The following SLC24A3 variants were observed in gnomAD, a reference collection of about 807,000 sequenced individuals.
SLC24A3 encodes the protein solute carrier family 24 member 3, also known as sodium/potassium/calcium exchanger 3.
Under a neutral mutation model 75.8 loss-of-function variants are expected in SLC24A3, and 28 were observed. The ratio of observed to expected loss-of-function variants is 0.37; its 90% CI spans 0.27 to 0.51. The LOEUF is 0.51. Among genes scored for constraint, SLC24A3 ranks in the 20% least tolerant of loss-of-function variants. SLC24A3 has a pLI of 0.94. For missense variants in SLC24A3, 663 were observed against 847.8 expected, an observed-to-expected ratio of 0.78 and a Z score of 2.71; for synonymous variants, 372 against 334.1, an observed-to-expected ratio of 1.11 and a Z score of -1.24.
At chr20:19,327,187 T>C in intron 2 of SLC24A3, among the ~76,000 whole-genome samples, 1 of 152,232 alleles carries the variant, frequency 6.6e-6, no homozygotes, top group East Asian at 1.9e-4. Context: ...GGTAGATTAC[T>C]GGAAATGCGT....
At chr20:19,354,913 TCTC>T (rs1269410531) in intron 2 of SLC24A3, among the ~76,000 whole-genome samples, 6 of 151,990 alleles carry the variant, frequency 3.9e-5, no homozygotes, top group Admixed American at 1.3e-4. Context: ...ATAAGTCACT[TCTC>T]CTCCTTTGGG....
intron 15 of SLC24A3, among the ~76,000 whole-genome samples, chr20:19,715,538 A>G (rs889218968): frequency 3.9e-5 from 6 of 152,208 alleles, no homozygotes; most frequent in Non-Finnish European, 8.8e-5. Context: ...ATTGCAAGTC[A>G]CGAGAGAAAG....
chr20:19,652,584 G>A (rs4814882), intron 6 of SLC24A3, among the ~76,000 whole-genome samples: 39,801 of 152,124 alleles, frequency 0.26, 5,841 homozygotes, highest in African/African-American at 0.4. Flanking sequence ...ACTTAGAAAT[G>A]CAAATGCTTC....
intron 2 of SLC24A3, among the ~76,000 whole-genome samples, chr20:19,467,929 A>T (rs886207155): frequency 6.6e-6 from 1 of 151,584 alleles, no homozygotes; most frequent in Non-Finnish European, 1.5e-5. Flanking sequence ...AGCATCCAGG[A>T]GCAGAGGTAA....
intron 3 of SLC24A3, among the ~76,000 whole-genome samples, chr20:19,517,288 C>T (rs2030014076): frequency 6.6e-6 from 1 of 152,164 alleles, no homozygotes; most frequent in African/African-American, 2.4e-5. Flanking sequence ...GAGATTTCCA[C>T]TCTGGACCCA....
chr20:19,429,722 T>C (rs1987069192), intron 2 of SLC24A3, among the ~76,000 whole-genome samples: 1 of 152,150 alleles, frequency 6.6e-6, no homozygotes, highest in African/African-American at 2.4e-5. Flanking sequence ...TATATGGTCA[T>C]CCGAGAGGGC....
chr20:19,491,876 C>T (rs762577056), intron 2 of SLC24A3, among the ~76,000 whole-genome samples: 3 of 152,112 alleles, frequency 2.0e-5, no homozygotes, highest in South Asian at 2.1e-4. Flanking sequence ...TGGGCAAGGG[C>T]GCTGGGCTTG....
intron 2 of SLC24A3, among the ~76,000 whole-genome samples, chr20:19,307,801 CA>C (rs1042370410): frequency 1.3e-5 from 2 of 151,446 alleles, no homozygotes; most frequent in African/African-American, 4.9e-5. Context: ...TTTTGGCAAC[CA>C]AAAAAAAGTG....
intron 2 of SLC24A3, among the ~76,000 whole-genome samples, chr20:19,426,372 C>T: frequency 6.6e-6 from 1 of 152,178 alleles, no homozygotes; most frequent in East Asian, 1.9e-4. Context: ...GGCGTACACT[C>T]AGAGGACTGT....
intron 4 of SLC24A3, among the ~76,000 whole-genome samples, chr20:19,583,757 T>C (rs1386433126): frequency 6.6e-6 from 1 of 152,204 alleles, no homozygotes; most frequent in Non-Finnish European, 1.5e-5. Flanking sequence ...TCACAGACTC[T>C]TAGCTCCATG....
chr20:19,577,252 T>C (rs1395408882), intron 3 of SLC24A3, among the ~76,000 whole-genome samples: 5 of 152,122 alleles, frequency 3.3e-5, no homozygotes, highest in Non-Finnish European at 7.4e-5. Context: ...AGATGGGGTT[T>C]CACCATGTTA....
intron 2 of SLC24A3, among the ~76,000 whole-genome samples, chr20:19,425,234 C>A (rs930558259): frequency 1.3e-5 from 2 of 151,294 alleles, no homozygotes; most frequent in Non-Finnish European, 2.9e-5. Context: ...ACCTGGGAGG[C>A]GGAGGTTGCA....
chr20:19,242,933 A>G (rs968444876), intron 1 of SLC24A3, among the ~76,000 whole-genome samples: 4 of 152,228 alleles, frequency 2.6e-5, no homozygotes, highest in Admixed American at 6.5e-5. Flanking sequence ...GCTGTAAACA[A>G]TGCATAATTT....
At chr20:19,388,760 A>G (rs1199465073) in intron 2 of SLC24A3, among the ~76,000 whole-genome samples, 3 of 152,130 alleles carry the variant, frequency 2.0e-5, no homozygotes, top group Non-Finnish European at 2.9e-5. Context: ...CTTTCAGCCT[A>G]TGCGTGTTCT....
intron 2 of SLC24A3, among the ~76,000 whole-genome samples, chr20:19,500,271 T>C (rs2122541443): frequency 6.6e-6 from 1 of 152,222 alleles, no homozygotes; most frequent in South Asian, 2.1e-4. Context: ...CTCTCTCCAG[T>C]CCCCCAACTG....
intron 3 of SLC24A3, among the ~76,000 whole-genome samples, chr20:19,546,536 T>C (rs2122593720): frequency 6.6e-6 from 1 of 152,320 alleles, no homozygotes; most frequent in Non-Finnish European, 1.5e-5. Context: ...TGTCCCACTC[T>C]TCACCTCCTC....
chr20:19,345,598 A>G (rs949162088), intron 2 of SLC24A3, among the ~76,000 whole-genome samples: 1 of 152,188 alleles, frequency 6.6e-6, no homozygotes, highest in Admixed American at 6.5e-5. Context: ...CAAGAAAAAA[A>G]CAAACAATCC....
chr20:19,603,749 C>CT (rs1413043379), intron 6 of SLC24A3, among the ~76,000 whole-genome samples: 1 of 152,054 alleles, frequency 6.6e-6, no homozygotes, highest in African/African-American at 2.4e-5. Context: ...TGTTGCTGGC[C>CT]TTGGAGCCAC....
At chr20:19,350,404 A>G (rs887145507) in intron 2 of SLC24A3, among the ~76,000 whole-genome samples, 1 of 151,950 alleles carries the variant, frequency 6.6e-6, no homozygotes, top group African/African-American at 2.4e-5. Flanking sequence ...CTCTCTTTTT[A>G]TGATGACTTT....
Sources: allele counts gnomAD v4.1 joint callset (sites outside exome capture counted in the v4.1 genomes callset), GRCh38; gene constraint gnomAD v4.1.1; transcripts MANE v1.5; gene names NCBI Gene and HGNC (gene_info 2026-07-23, HGNC 2026-07-21).